The following KIAA0319L variants were observed in gnomAD, a reference collection of about 807,000 sequenced individuals.
KIAA0319L encodes the protein KIAA0319 like.
KIAA0319L carries 55 observed loss-of-function variants against 120.1 expected under a neutral mutation model. The observed-to-expected ratio is 0.46, with a 90% CI of 0.37 to 0.57. The LOEUF is 0.57. Among genes scored for constraint, KIAA0319L ranks in the 20% least tolerant of loss-of-function variants. The probability of loss-of-function intolerance (pLI) is 0.00; values close to 1 mark genes in which losing one functional copy is unlikely to be tolerated. For missense variants in KIAA0319L, 1,049 were observed against 1,255.3 expected (o/e 0.84, Z 2.48); for synonymous variants, 398 against 471.9 (o/e 0.84, Z 2.03).
At chr1:35,477,206 G>T (rs546271370) in intron 4 of KIAA0319L, among the ~76,000 whole-genome samples, 7 of 152,042 alleles carry the variant, frequency 4.6e-5, no homozygotes, top group African/African-American at 1.7e-4. Flanking sequence ...TTAATAACCA[G>T]AATATATAAA....
In KIAA0319L at chr1:35,441,120, C is replaced by T. The variant is rs769687335; in HGVS notation, c.2889G>A (p.Lys963=). 1.5e-5 allele frequency: 24 copies of T among 1,614,172 alleles called. No homozygotes were observed. In the Middle Eastern group the frequency reaches 4.9e-4, roughly 33 times the overall value. ...CCAGGATCTTGTACTTGCTTTTCCTCTTGGGTTTTCCTTTTTGCCTAAAAA... is the reference window on the plus strand; with the variant it reads ...CCAGGATCTTGTACTTGCTTTTCCTTTTGGGTTTTCCTTTTTGCCTAAAAA... The part of the protein sequence containing the change: ...CCCKRQKGKP[K]RKSKYKILDA... The change falls in exon 20 of 21, where the codon AAG becomes AAA. Residue 963 remains lysine (K), a synonymous_variant. Transcript: ENST00000325722.
At chr1:35,465,977 A>C (rs1643236622) in intron 7 of KIAA0319L, among the ~76,000 whole-genome samples, 1 of 152,180 alleles carries the variant, frequency 6.6e-6, no homozygotes, top group Admixed American at 6.5e-5. Context: ...CTGTAAGTCC[A>C]TTAAACCTCT....
chr1:35,485,916 C>T (rs554648017), intron 3 of KIAA0319L, among the ~76,000 whole-genome samples: 1 of 152,162 alleles, frequency 6.6e-6, no homozygotes, highest in Non-Finnish European at 1.5e-5. Context: ...GCTGAAATTA[C>T]AGGCATGTGC....
intron 2 of KIAA0319L, among the ~76,000 whole-genome samples, chr1:35,543,283 T>G (rs1205523803): frequency 6.6e-6 from 1 of 152,232 alleles, no homozygotes; most frequent in Non-Finnish European, 1.5e-5. Context: ...CCAAGTGACA[T>G]GTACTCAAGT....
chr1:35,450,534 T>C (rs2149088795), intron 13 of KIAA0319L, 25 bp from the exon 14 acceptor site: 3 of 1,580,894 alleles, frequency 1.9e-6, no homozygotes, highest in South Asian at 1.1e-5. Flanking sequence ...ATCATTGACA[T>C]AATGTGACAT....
intron 3 of KIAA0319L, among the ~76,000 whole-genome samples, chr1:35,502,373 G>C (rs931324507): frequency 6.6e-6 from 1 of 151,446 alleles, no homozygotes; most frequent in Non-Finnish European, 1.5e-5. Context: ...GGTTCTGAAT[G>C]GTACCTGGCA....
At chr1:35,487,692 G>A (rs1163924044) in intron 3 of KIAA0319L, among the ~76,000 whole-genome samples, 1 of 152,180 alleles carries the variant, frequency 6.6e-6, no homozygotes, top group African/African-American at 2.4e-5. Context: ...TACGTCCACT[G>A]ACACCTCAAG....
chr1:35,453,406 G>T lies in KIAA0319L; in HGVS notation c.1913+151C>A. The T allele has an allele frequency of 1.6e-6, 1 of 641,666 alleles. No individual in the cohort carries two copies. The highest frequency in any genetic ancestry group is 2.7e-6 in the Non-Finnish European group (1 of 374,388). The allele number at this position is 641,666 out of a possible 1,614,324, so 39.7% of individuals were successfully genotyped here. ...ATTATGATTATAATATCATTTTCTT[G>T]GAGTTGAAGTTTGGAATTGCAAACA... On this transcript the variant is annotated intron_variant, in intron 12 of 20. Coordinates refer to ENST00000325722, the MANE Select transcript of KIAA0319L (RefSeq NM_024874.5). The surrounding 1 kb of genome is among the most constrained non-coding windows in gnomAD (Gnocchi z 4.1).
chr1:35,525,078 C>T (rs1044478318), intron 2 of KIAA0319L, among the ~76,000 whole-genome samples: 1 of 152,042 alleles, frequency 6.6e-6, no homozygotes, highest in African/African-American at 2.4e-5. Context: ...TTTTTAGCTC[C>T]CCCATTTGAG....
rs190945463 is a variant in KIAA0319L at position 35,513,202 on chromosome 1, C to T, written c.143-6067G>A. ...CTACTGAGTAGAGCTTAAATTTAGA[C>T]GTTAACTTATAGAATATGTTACAAA... On this transcript the variant is annotated intron_variant, in intron 2 of 20. Transcript: ENST00000325722. Among the ~76,000 whole-genome samples, 748 of 145,372 alleles carry T rather than the reference C, an allele frequency of 5.1e-3. 3 individuals carry two copies. The highest frequency in any genetic ancestry group is 6.9e-3 in the African/African-American group (271 of 39,488).
chr1:35,466,728 C>G, intron 6 of KIAA0319L, 33 bp from the exon 7 acceptor site: 1 of 1,370,744 alleles, frequency 7.3e-7, no homozygotes, highest in Non-Finnish European at 1.0e-6. Context: ...CTTAGACAAT[C>G]ACAAAGAGCA....
chr1:35,492,483 C>T (rs1644634745), intron 3 of KIAA0319L, among the ~76,000 whole-genome samples: 1 of 151,950 alleles, frequency 6.6e-6, no homozygotes, highest in Non-Finnish European at 1.5e-5. Context: ...CACTGCATTC[C>T]AGCCTGGGTG....
intron 2 of KIAA0319L, among the ~76,000 whole-genome samples, chr1:35,530,599 T>C (rs766134622): frequency 6.6e-5 from 10 of 152,368 alleles, no homozygotes; most frequent in Non-Finnish European, 1.5e-4. Context: ...CTGAAGTCTG[T>C]TATTGGAGAA....
At chr1:35,507,249 G>A in intron 2 of KIAA0319L, 114 bp from the exon 3 acceptor site, 1 of 1,034,138 alleles carries the variant, frequency 9.7e-7, no homozygotes, top group East Asian at 2.6e-5. Context: ...TTTTTAAGAG[G>A]GTGAGAAAGC....
chr1:35,508,473 G>C (rs1174851622), intron 2 of KIAA0319L, among the ~76,000 whole-genome samples: 1 of 152,052 alleles, frequency 6.6e-6, no homozygotes, highest in African/African-American at 2.4e-5. Context: ...ACTAATCAAA[G>C]ATAAAAGGAA....
At chr1:35,547,649 A>G (rs1647034045) in intron 2 of KIAA0319L, among the ~76,000 whole-genome samples, 1 of 152,252 alleles carries the variant, frequency 6.6e-6, no homozygotes, top group African/African-American at 2.4e-5. Context: ...AAGGCCACGT[A>G]TTGTACGATT....
chr1:35,463,959 A>T (rs148094430), intron 7 of KIAA0319L, among the ~76,000 whole-genome samples: 350 of 152,232 alleles, frequency 2.3e-3, no homozygotes, highest in African/African-American at 8.0e-3. Flanking sequence ...TCCATGTAAG[A>T]CATGACTTGC....
chr1:35,456,347 T>TAGGTA, intron 9 of KIAA0319L, 106 bp from the exon 10 acceptor site: 3 of 676,972 alleles, frequency 4.4e-6, no homozygotes, highest in Non-Finnish European at 7.4e-6. Flanking sequence ...GTGGCAAGGT[T>TAGGTA]ACCTATTCTT....
At chr1:35,449,105 A>G (rs980572418) in intron 15 of KIAA0319L, among the ~76,000 whole-genome samples, 3 of 152,230 alleles carry the variant, frequency 2.0e-5, no homozygotes, top group African/African-American at 7.2e-5. Flanking sequence ...AAGAGATTTT[A>G]TAGTGTCTCA....
Sources: gnomAD v4.1 joint callset for allele counts (sites outside exome capture counted in the v4.1 genomes callset) on GRCh38, gnomAD v4.1.1 for gene constraint, Gnocchi (gnomAD v3.1) non-coding constraint, MANE v1.5 for transcripts, NCBI Gene and HGNC (gene_info 2026-07-23, HGNC 2026-07-21) for gene names.